GAN: variants seen among roughly 807,000 people sequenced by gnomAD.
GAN encodes gigaxonin.
A neutral mutation model predicts 71.3 loss-of-function variants in GAN; 48 were observed. That is an observed-to-expected ratio of 0.67 (90% CI 0.53 to 0.86). The LOEUF (loss-of-function observed/expected upper bound fraction) is 0.86, where lower values mean the gene tolerates loss of function less well. GAN is among the 40% of genes least tolerant of loss of function. The pLI, the probability that GAN is intolerant of heterozygous loss-of-function variation, is 0.00. For missense variants in GAN, 928 were observed against 770.1 expected (o/e 1.21, Z -2.43); for synonymous variants, 386 against 276.8 (o/e 1.39, Z -3.92).
At position 81,366,057 on chromosome 16, in the gene GAN, C is replaced by T. The variant is rs570904890; in HGVS notation, c.1502+579C>T. The stretch of plus-strand genomic sequence containing the variant: ...GCTACTTGCCTAAAAGCTCCCTTCC[C>T]GCTGTCCATCCAGTTAGCTTGGCCT... On this transcript the variant is annotated intron_variant, in intron 9 of 10. Coordinates refer to ENST00000648994, the MANE Select transcript of GAN (RefSeq NM_022041.4). Among the ~76,000 whole-genome samples, 8 of 152,310 alleles carry T rather than the reference C, an allele frequency of 5.3e-5. No individual in the cohort carries two copies. In the East Asian group the frequency reaches 7.7e-4, roughly 15 times the overall value.
rs371157573 is a variant in GAN, at chr16:81,377,312, T to C, written c.1596T>C (p.Ile532=). The C allele has an allele frequency of 3.1e-6, 5 of 1,597,738 alleles. No homozygotes were observed. Among genetic ancestry groups the C allele is most frequent in the Non-Finnish European group, 4.3e-6 (5 of 1,165,180 alleles). The change falls in exon 10 of 11, where the codon ATT becomes ATC. Residue 532 remains isoleucine (I), a synonymous_variant. Coordinates refer to ENST00000648994, the MANE Select transcript of GAN (RefSeq NM_022041.4). ...CTATAGGAGCCAGTATTTATGTTATTGGAGATCTTGATACAGGTAAGAGTG... is the reference window on the plus strand; with the variant it reads ...CTATAGGAGCCAGTATTTATGTTATCGGAGATCTTGATACAGGTAAGAGTG... ...AVPIGASIYV[I]GDLDTGTNYD...
intron 9 of GAN, among the ~76,000 whole-genome samples, chr16:81,368,481 C>G (rs74827032): frequency 0.017 from 2,566 of 152,264 alleles, 67 homozygotes; most frequent in East Asian, 0.12. Flanking sequence ...GTAGTCCACG[C>G]CTGTGGTCCC....
Position 81,365,083 on chromosome 16 carries a change from C to T in GAN, c.1346C>T (p.Thr449Ile). Reference sequence around the variant, plus strand: ...TATGATCCCAGGACCCAGCAGTGGACTGCCATATGTCCACTAAAAGAGAGG... The same window carrying T: ...TATGATCCCAGGACCCAGCAGTGGATTGCCATATGTCCACTAAAAGAGAGG... ...ECYDPRTQQW[T>I]AICPLKERRF... is the part of the protein sequence containing the mutation. Residue 449 changes from threonine (T) to isoleucine (I), a missense_variant, in exon 8 of 11, where the codon ACT becomes ATT. By Grantham distance (89) the Thr-to-Ile change is moderately conservative (BLOSUM62 -1). Transcript: ENST00000648994. 6.2e-7 allele frequency: 1 copy of T among 1,613,944 alleles called. No individual in the cohort carries two copies. Among genetic ancestry groups the T allele is most frequent in the Non-Finnish European group, 8.5e-7 (1 of 1,179,846 alleles).
rs971973059 is a variant in GAN at position 81,385,186 on chromosome 16, C to T, written c.*7590C>T. 1.3e-5 allele frequency: 2 copies of T among 152,140 alleles called. No homozygotes were observed. Among genetic ancestry groups the T allele is most frequent in the African/African-American group, 4.8e-5 (2 of 41,410 alleles). 9.4% of individuals were successfully genotyped at this position (152,140 alleles called of 1,614,324 possible). A position where few individuals can be genotyped will look rare whatever the true frequency, so the allele number is the denominator to read the frequency against. On this transcript the variant is annotated 3_prime_UTR_variant, in exon 11 of 11. Coordinates refer to ENST00000648994, the MANE Select transcript of GAN (RefSeq NM_022041.4). ...TCAATAGTAGAATGACAAAGCTTCT[C>T]CTCCAATGACAATCTGTTAGCACCC...
chr16:81,372,720 A>C (rs1567499389), intron 9 of GAN, among the ~76,000 whole-genome samples: 1 of 152,242 alleles, frequency 6.6e-6, no homozygotes, highest in Admixed American at 6.5e-5. Context: ...GGTTTCATTC[A>C]GAATCTGGGA....
chr16:81,340,632 G>T (rs1191847497), intron 1 of GAN, among the ~76,000 whole-genome samples: 1 of 152,062 alleles, frequency 6.6e-6, no homozygotes, highest in Non-Finnish European at 1.5e-5. Context: ...CCACCCATAG[G>T]TCACCAACAT....
intron 1 of GAN, among the ~76,000 whole-genome samples, chr16:81,319,206 T>TTATATATA (rs57681055): frequency 0.04 from 5,497 of 138,692 alleles, 157 homozygotes; most frequent in African/African-American, 0.081. Context: ...TAGATATAGA[T>TTATATATA]TATATATATA....
chr16:81,335,301 G>A (rs939052408), intron 1 of GAN, among the ~76,000 whole-genome samples: 13 of 152,072 alleles, frequency 8.5e-5, no homozygotes, highest in African/African-American at 3.1e-4. Context: ...TGAGAAGGTC[G>A]ACTGGGGAAC....
intron 9 of GAN, among the ~76,000 whole-genome samples, chr16:81,367,643 A>G (rs1910904049): frequency 6.6e-6 from 1 of 152,248 alleles, no homozygotes. Context: ...TTACCAATAT[A>G]AGATTCTAAC....
intron 5 of GAN, among the ~76,000 whole-genome samples, chr16:81,359,908 C>G (rs1410752711): frequency 6.6e-6 from 1 of 152,218 alleles, no homozygotes; most frequent in African/African-American, 2.4e-5. Context: ...TTACTGAACT[C>G]ACCTATTTTC....
chr16:81,365,251 G>T, intron 8 of GAN, 99 bp from the exon 9 acceptor site: 5 of 1,567,788 alleles, frequency 3.2e-6, no homozygotes, highest in Non-Finnish European at 8.8e-7. Flanking sequence ...GAAGGCCCAC[G>T]TAGTAATGCT....
In GAN at chr16:81,389,345, A is replaced by C. The variant is rs1479884495; in HGVS notation, c.*11749A>C. The C allele has an allele frequency of 6.6e-6, 1 of 152,152 alleles. No homozygotes were observed. The highest frequency in any genetic ancestry group is 1.5e-5 in the Non-Finnish European group (1 of 68,020). The allele number at this position is 152,152 out of a possible 1,614,324, so 9.4% of individuals were successfully genotyped here. ...GGTGATACCCTTTGTTTTTTGTATCATACCTTTTGTGAATTGTGACAACCA... is the reference window on the plus strand; with the variant it reads ...GGTGATACCCTTTGTTTTTTGTATCCTACCTTTTGTGAATTGTGACAACCA... On this transcript the variant is annotated 3_prime_UTR_variant, in exon 11 of 11. Coordinates refer to ENST00000648994, the MANE Select transcript of GAN (RefSeq NM_022041.4).
intron 5 of GAN, among the ~76,000 whole-genome samples, chr16:81,360,892 T>G (rs1009001759): frequency 2.0e-5 from 3 of 152,208 alleles, no homozygotes; most frequent in African/African-American, 7.2e-5. Flanking sequence ...TTTTGGTATG[T>G]CTGATATCTG....
chr16:81,365,830 C>G (rs1910838629), intron 9 of GAN, among the ~76,000 whole-genome samples: 1 of 151,952 alleles, frequency 6.6e-6, no homozygotes, highest in African/African-American at 2.4e-5. Context: ...CTGAAGATTG[C>G]TTGAGCCCAG....
rs1904302716 is a variant in GAN, at chr16:81,381,124, G to A, written c.*3528G>A. The stretch of plus-strand genomic sequence containing the variant: ...GGAAATACATTCTTTGTACAAACGT[G>A]GTAAAGAGAGGACTGGCTTTGCTAT... On this transcript the variant is annotated 3_prime_UTR_variant, in exon 11 of 11. Transcript: ENST00000648994. 1 of 152,146 alleles carries A rather than the reference G, an allele frequency of 6.6e-6. No homozygotes were observed. The highest frequency in any genetic ancestry group is 6.5e-5 in the Admixed American group (1 of 15,276). 9.4% of individuals were successfully genotyped at this position (152,146 alleles called of 1,614,324 possible). A position where few individuals can be genotyped will look rare whatever the true frequency, so the allele number is the denominator to read the frequency against.
chr16:81,331,441 A>G (rs766056279), intron 1 of GAN, among the ~76,000 whole-genome samples: 26 of 152,248 alleles, frequency 1.7e-4, no homozygotes, highest in Non-Finnish European at 3.2e-4. Flanking sequence ...TTCTGTAACA[A>G]TATTAATTTC....
intron 1 of GAN, among the ~76,000 whole-genome samples, chr16:81,345,332 C>G (rs990210643): frequency 2.6e-5 from 4 of 152,134 alleles, no homozygotes; most frequent in Non-Finnish European, 4.4e-5. Context: ...TTCACAATAG[C>G]AAAGACTTGG....
chr16:81,353,271 G>A lies in GAN; in HGVS notation c.283-1134G>A, dbSNP rs1910362878. On this transcript the variant is annotated intron_variant, in intron 2 of 10. Coordinates refer to ENST00000648994, the MANE Select transcript of GAN (RefSeq NM_022041.4). ...TGCGCCACTGCACTCCAGCGTGGGC[G>A]ACAGAGCGAGACTCCGTCTCAAAAA... is the stretch of plus-strand genomic sequence containing the variant. Among the ~76,000 whole-genome samples the A allele has an allele frequency of 2.3e-5, 3 of 128,964 alleles. No individual in the cohort carries two copies. The South Asian group carries it at 7.6e-4, about 33-fold the overall frequency. The allele number at this position is 128,964 out of a possible 152,430, so 84.6% of individuals were successfully genotyped here.
rs1355691737 is a variant in GAN, at chr16:81,390,170, G to A, written c.*12574G>A. 6.6e-6 allele frequency: 1 copy of A among 152,178 alleles called. No individual in the cohort carries two copies. The highest frequency in any genetic ancestry group is 6.5e-5 in the Admixed American group (1 of 15,286). 9.4% of individuals were successfully genotyped at this position (152,178 alleles called of 1,614,324 possible). A position where few individuals can be genotyped will look rare whatever the true frequency, so the allele number is the denominator to read the frequency against. ...ATAGCTAAATAGGCAGGTTTAGAAA[G>A]TTCAAAATATTGGAAGTGCTAGAAG... On this transcript the variant is annotated 3_prime_UTR_variant, in exon 11 of 11. Coordinates refer to ENST00000648994, the MANE Select transcript of GAN (RefSeq NM_022041.4).
Sources: gnomAD v4.1 joint callset for allele counts (sites outside exome capture counted in the v4.1 genomes callset) on GRCh38, gnomAD v4.1.1 for gene constraint, MANE v1.5 for transcripts, NCBI Gene and HGNC (gene_info 2026-07-23, HGNC 2026-07-21) for gene names.